SLC38A12: variants seen among roughly 807,000 people sequenced by gnomAD.
SLC38A12 encodes the protein solute carrier family 38 member 12.
At chr17:74,815,462 C>T in the SLC38A12 span, among the ~76,000 whole-genome samples, 1 of 152,200 alleles carries the variant, frequency 6.6e-6, no homozygotes. Flanking sequence ...TTTCTCTGAC[C>T]AGCTAAATGT....
the SLC38A12 span, among the ~76,000 whole-genome samples, chr17:74,835,410 G>C: frequency 6.6e-6 from 1 of 152,028 alleles, no homozygotes; most frequent in South Asian, 2.1e-4. Context: ...AGATGCCCTC[G>C]GCCCAGGAGG....
the SLC38A12 span, among the ~76,000 whole-genome samples, chr17:74,780,158 G>A: frequency 3.3e-5 from 5 of 152,244 alleles, no homozygotes; most frequent in Admixed American, 6.5e-5. Context: ...GGTTGCTTTC[G>A]AAGGAGAGAG....
chr17:74,808,665 T>A, the SLC38A12 span, among the ~76,000 whole-genome samples: 281 of 152,322 alleles, frequency 1.8e-3, 1 homozygote, highest in African/African-American at 6.3e-3. Flanking sequence ...GTTCAGGGGC[T>A]GAGCTCTTGC....
the SLC38A12 span, among the ~76,000 whole-genome samples, chr17:74,780,227 T>G: frequency 6.6e-6 from 1 of 152,212 alleles, no homozygotes; most frequent in East Asian, 1.9e-4. Flanking sequence ...GCCTTCTGTT[T>G]CCTTTGACAA....
At chr17:74,776,940 C>A in the SLC38A12 span, among the ~76,000 whole-genome samples, 2 of 152,114 alleles carry the variant, frequency 1.3e-5, no homozygotes, top group South Asian at 4.1e-4. Context: ...GATAACCACC[C>A]CAGAGCGTGG....
chr17:74,789,705 C>T, the SLC38A12 span, among the ~76,000 whole-genome samples: 1 of 151,644 alleles, frequency 6.6e-6, no homozygotes, highest in African/African-American at 2.4e-5. Flanking sequence ...ATTAGCCGGC[C>T]GTGGTGGCAA....
the SLC38A12 span, among the ~76,000 whole-genome samples, chr17:74,823,888 G>A: frequency 1.6e-3 from 241 of 152,388 alleles, 1 homozygote; most frequent in Non-Finnish European, 2.4e-3. Context: ...AGGCTTCTCC[G>A]CCAAGTTCCT....
chr17:74,779,785 G>C, the SLC38A12 span, among the ~76,000 whole-genome samples: 1 of 152,198 alleles, frequency 6.6e-6, no homozygotes, highest in Non-Finnish European at 1.5e-5. Context: ...CCTCTCCTTA[G>C]CTCTCTATTG....
At chr17:74,776,969 G>T in the SLC38A12 span, among the ~76,000 whole-genome samples, 19 of 152,196 alleles carry the variant, frequency 1.2e-4, no homozygotes, top group Admixed American at 2.0e-4. Context: ...CTCTTGTGGT[G>T]GGTGAGACTT....
At chr17:74,812,339 C>A in the SLC38A12 span, among the ~76,000 whole-genome samples, 1 of 152,210 alleles carries the variant, frequency 6.6e-6, no homozygotes, top group East Asian at 1.9e-4. Flanking sequence ...TGCCTCAGAA[C>A]TCACCTTCGT....
the SLC38A12 span, among the ~76,000 whole-genome samples, chr17:74,832,343 C>T: frequency 6.6e-6 from 1 of 152,222 alleles, no homozygotes; most frequent in Non-Finnish European, 1.5e-5. Context: ...TCCCAGGGGA[C>T]AGATCCCAGC....
At chr17:74,837,220 T>C in the SLC38A12 span, 11 of 985,582 alleles carry the variant, frequency 1.1e-5, no homozygotes, top group African/African-American at 1.7e-5. Flanking sequence ...CCACCAGGCC[T>C]GGGAGGCGGT....
the SLC38A12 span, chr17:74,777,402 C>G: frequency 6.2e-7 from 1 of 1,614,090 alleles, no homozygotes; most frequent in Non-Finnish European, 8.5e-7. Flanking sequence ...GAACCTTTTG[C>G]TCACTTAAGT....
the SLC38A12 span, among the ~76,000 whole-genome samples, chr17:74,782,754 C>T: frequency 1.1e-4 from 17 of 152,156 alleles, no homozygotes; most frequent in African/African-American, 3.9e-4. Context: ...AATCATATCA[C>T]GATGATGATG....
the SLC38A12 span, chr17:74,836,350 A>G: frequency 1.9e-6 from 3 of 1,612,684 alleles, no homozygotes; most frequent in Non-Finnish European, 2.5e-6. The surrounding 1 kb of genome is among the most constrained non-coding windows in gnomAD (Gnocchi z 4.2). Flanking sequence ...ACACTCTTCC[A>G]CCGCGAGGGC....
At chr17:74,791,170 C>T in the SLC38A12 span, 6 of 726,736 alleles carry the variant, frequency 8.3e-6, no homozygotes, top group Non-Finnish European at 1.1e-5. Flanking sequence ...GCTGCTCCCT[C>T]AGCACCTGAG....
the SLC38A12 span, among the ~76,000 whole-genome samples, chr17:74,813,077 A>C: frequency 6.6e-6 from 1 of 152,210 alleles, no homozygotes; most frequent in Non-Finnish European, 1.5e-5. Flanking sequence ...AGTAGTGTTC[A>C]TGGGAGCCAG....
chr17:74,802,838 G>A, the SLC38A12 span, among the ~76,000 whole-genome samples: 1 of 152,108 alleles, frequency 6.6e-6, no homozygotes, highest in African/African-American at 2.4e-5. Context: ...AAAATAATGA[G>A]TATAGCCTTG....
At chr17:74,791,412 TC>T in the SLC38A12 span, among the ~76,000 whole-genome samples, 1 of 151,906 alleles carries the variant, frequency 6.6e-6, no homozygotes, top group Non-Finnish European at 1.5e-5. Context: ...AGGCAGCTAC[TC>T]CAGTGAGGGT....
Sources: allele counts gnomAD v4.1 joint callset (sites outside exome capture counted in the v4.1 genomes callset), GRCh38; gene constraint gnomAD v4.1.1; non-coding constraint Gnocchi (gnomAD v3.1); transcripts MANE v1.5; gene names NCBI Gene and HGNC (gene_info 2026-07-23, HGNC 2026-07-21).